Variants in NKIRAS1 observed in about 807,000 individuals in gnomAD.
The protein encoded by NKIRAS1 is NFKB inhibitor interacting Ras like 1.
NKIRAS1 carries 16 observed loss-of-function variants against 19.8 expected under a neutral mutation model. The observed-to-expected ratio is 0.81, with a 90% confidence interval of 0.55 to 1.23. NKIRAS1 has a LOEUF of 1.23. NKIRAS1 is among the 50% of genes most tolerant of loss of function. The pLI is 0.00. For missense variants in NKIRAS1, 184 were observed against 220.0 expected, an observed-to-expected ratio of 0.84 and a Z score of 1.04; for synonymous variants, 88 against 79.0, an observed-to-expected ratio of 1.11 and a Z score of -0.61.
chr3:23,898,555 T>G (rs1425042825), intron 4 of NKIRAS1, among the ~76,000 whole-genome samples: 1 of 152,050 alleles, frequency 6.6e-6, no homozygotes, highest in Non-Finnish European at 1.5e-5. Context: ...GCGATTCTCC[T>G]GCCTCGGCCT....
upstream of NKIRAS1, chr3:23,921,961 C>T: frequency 4.4e-6 from 1 of 226,584 alleles, no homozygotes; most frequent in Non-Finnish European, 8.6e-6. Flanking sequence ...CTGCCTTGGC[C>T]TCCCAAAGTG....
At chr3:23,937,049 C>T (rs1468478628) in intron 1 of NKIRAS1, among the ~76,000 whole-genome samples, 1 of 152,160 alleles carries the variant, frequency 6.6e-6, no homozygotes, top group Admixed American at 6.5e-5. Flanking sequence ...AAGGGACCCA[C>T]CTGGGTCTCT....
intron 1 of NKIRAS1, among the ~76,000 whole-genome samples, chr3:23,944,703 T>C (rs1462619880): frequency 6.6e-6 from 1 of 152,088 alleles, no homozygotes; most frequent in Non-Finnish European, 1.5e-5. Flanking sequence ...GCTTGAAATA[T>C]AAATCTGGGA....
chr3:23,946,310 G>A (rs1403504835), intron 1 of NKIRAS1: 6 of 984,768 alleles, frequency 6.1e-6, no homozygotes, highest in Non-Finnish European at 7.2e-6. Context: ...TGGGGAGGCT[G>A]GTAGCTGCAT....
At chr3:23,897,071 G>T (rs564240668) in intron 4 of NKIRAS1, among the ~76,000 whole-genome samples, 7 of 152,016 alleles carry the variant, frequency 4.6e-5, no homozygotes, top group Non-Finnish European at 8.8e-5. Flanking sequence ...AATTAGGCAA[G>T]CATGGTGATG....
At chr3:23,921,786 G>A, upstream of NKIRAS1, 3 of 580,078 alleles carry the variant, frequency 5.2e-6, no homozygotes, top group Non-Finnish European at 9.1e-6. Context: ...TGTTGGCCAG[G>A]CTGGTCTCGA....
chr3:23,895,048 T>G (rs1406881158), intron 4 of NKIRAS1, among the ~76,000 whole-genome samples: 2 of 152,154 alleles, frequency 1.3e-5, no homozygotes, highest in African/African-American at 4.8e-5. Context: ...CCTTGTTTTG[T>G]TTGTTTTTTT....
At chr3:23,940,058 C>T (rs1705463978) in intron 1 of NKIRAS1, among the ~76,000 whole-genome samples, 1 of 148,782 alleles carries the variant, frequency 6.7e-6, no homozygotes, top group African/African-American at 2.5e-5. Context: ...TGACCGGGTG[C>T]GTAGGCTCAC....
rs1705172129 is a variant in NKIRAS1 at position 23,924,348 on chromosome 3, A to G, written c.-139-12898T>C. On this transcript the variant is annotated intron_variant, in intron 1 of 4. Coordinates refer to the NKIRAS1 transcript ENST00000421515. ...TCCCCCCTCCCTTATGTACCATGCT[A>G]TATTAATAAATTGGAAGGAGCTGCT... is the stretch of plus-strand genomic sequence containing the variant. 2.0e-5 allele frequency: 3 copies of G among 152,174 alleles called. No individual in the cohort carries two copies. The South Asian group carries it at 6.2e-4, about 31-fold the overall frequency. 9.4% of individuals were successfully genotyped at this position (152,174 alleles called of 1,614,324 possible).
chr3:23,943,849 C>T lies in NKIRAS1; in HGVS notation c.-140+2474G>A, dbSNP rs574357808. Among the ~76,000 whole-genome samples, 4 of 152,330 alleles carry T rather than the reference C, an allele frequency of 2.6e-5. No homozygotes were observed. The East Asian group carries it at 7.7e-4, about 29-fold the overall frequency. Reference sequence around the variant, plus strand: ...GACAGCCTTGGAAAGAGAAGCAGGACCCACATCTGTGCAGGGCGAAGCAGG... The same window carrying T: ...GACAGCCTTGGAAAGAGAAGCAGGATCCACATCTGTGCAGGGCGAAGCAGG... On this transcript the variant is annotated intron_variant, in intron 1 of 4. Coordinates refer to the NKIRAS1 transcript ENST00000421515.
chr3:23,896,691 T>G (rs1702031024), intron 4 of NKIRAS1, among the ~76,000 whole-genome samples: 1 of 149,832 alleles, frequency 6.7e-6, no homozygotes. Flanking sequence ...CAGGGGTGGG[T>G]GGATGGGTGT....
chr3:23,937,358 G>C (rs73036760), intron 1 of NKIRAS1, among the ~76,000 whole-genome samples: 1 of 151,906 alleles, frequency 6.6e-6, no homozygotes, highest in Non-Finnish European at 1.5e-5. Flanking sequence ...AAAAAGAAAA[G>C]AAAAAGAAAA....
chr3:23,900,831 C>G lies in NKIRAS1; in HGVS notation c.313G>C (p.Asp105His), dbSNP rs1486028661. The G allele has an allele frequency of 1.1e-5, 18 of 1,613,526 alleles. No homozygotes were observed. The highest frequency in any genetic ancestry group is 1.5e-5 in the Non-Finnish European group (18 of 1,179,568). Residue 105 changes from aspartate to histidine, a missense_variant, in exon 4 of 5, where the codon GAT becomes CAT. Coordinates refer to ENST00000425478, the MANE Select transcript of NKIRAS1 (RefSeq NM_020345.4). ...GCCTCTTTTTTGTCTTTGAACTTAT[C>G]GATTTCTTTCTTCAGAAGCTCCACT... ...QRVELLKKEI[D>H]KFKDKKEVAI...
In NKIRAS1 at chr3:23,893,169, A is replaced by C. The variant is rs1375608897; in HGVS notation, c.505T>G (p.Ser169Ala). Residue 169 changes from serine (S) to alanine (A), a missense_variant, in exon 5 of 5, where the codon TCT (serine) becomes GCT (alanine). Coordinates refer to ENST00000425478, the MANE Select transcript of NKIRAS1 (RefSeq NM_020345.4). ...AAGCTTGATTTGCTCTGGGGTTGAG[A>C]AAGTTTACTGGCTAATAAAGTGAAT... ...EPFTLLASKL[S>A]QPQSKSSFPL... 1.9e-6 allele frequency: 3 copies of C among 1,611,598 alleles called. No individual in the cohort carries two copies. The highest frequency in any genetic ancestry group is 1.7e-6 in the Non-Finnish European group (2 of 1,179,038).
At chr3:23,893,591 G>C (rs1354477179) in intron 4 of NKIRAS1, among the ~76,000 whole-genome samples, 1 of 151,996 alleles carries the variant, frequency 6.6e-6, no homozygotes, top group Non-Finnish European at 1.5e-5. Flanking sequence ...TGGATCTCTT[G>C]AGGTCAGGAG....
intron 1 of NKIRAS1, among the ~76,000 whole-genome samples, chr3:23,931,023 T>C (rs1705306959): frequency 6.6e-6 from 1 of 151,582 alleles, no homozygotes; most frequent in South Asian, 2.1e-4. Context: ...TATTTCAATA[T>C]GTAAATATCT....
chr3:23,891,264 G>C lies in NKIRAS1; in HGVS notation c.*1831C>G, dbSNP rs1701439163. ...TGGTTCTATGTTGTGGACTACTTAA[G>C]TCTGCATTTGTTACTGTGCTAATAA... On this transcript the variant is annotated 3_prime_UTR_variant, in exon 5 of 5. Coordinates refer to ENST00000425478, the MANE Select transcript of NKIRAS1 (RefSeq NM_020345.4). 1 of 152,188 alleles carries C rather than the reference G, an allele frequency of 6.6e-6. No individual in the cohort carries two copies. Among genetic ancestry groups the C allele is most frequent in the Non-Finnish European group, 1.5e-5 (1 of 68,040 alleles). The allele number at this position is 152,188 out of a possible 1,614,324, so 9.4% of individuals were successfully genotyped here.
At chr3:23,934,218 C>T (rs1705358889) in intron 1 of NKIRAS1, among the ~76,000 whole-genome samples, 1 of 152,174 alleles carries the variant, frequency 6.6e-6, no homozygotes, top group African/African-American at 2.4e-5. Flanking sequence ...TTTGTTCCAT[C>T]ACATATATGC....
At chr3:23,929,823 T>C (rs950997471) in intron 1 of NKIRAS1, among the ~76,000 whole-genome samples, 35 of 152,200 alleles carry the variant, frequency 2.3e-4, no homozygotes, top group African/African-American at 8.2e-4. Flanking sequence ...TATTTTATTT[T>C]TGAATTACAG....
Sources: allele counts gnomAD v4.1 joint callset (sites outside exome capture counted in the v4.1 genomes callset), GRCh38; gene constraint gnomAD v4.1.1; transcripts MANE v1.5; gene names NCBI Gene and HGNC (gene_info 2026-07-23, HGNC 2026-07-21).